The following SKA2 variants were observed in gnomAD, a reference collection of about 807,000 sequenced individuals.
SKA2 encodes the protein spindle and kinetochore-associated protein 2.
Under a neutral mutation model 16.9 loss-of-function variants are expected in SKA2, and 13 were observed. That is an observed-to-expected ratio of 0.77 (90% CI 0.50 to 1.22). The LOEUF (loss-of-function observed/expected upper bound fraction) is 1.22. Ranked by LOEUF, SKA2 falls within the 50% of genes most tolerant of loss-of-function variation. The pLI is 0.00. For synonymous variants in SKA2, 47 were observed against 48.5 expected (o/e 0.97, Z 0.13); for missense variants, 107 against 139.7 (o/e 0.77, Z 1.18).
intron 1 of SKA2, among the ~76,000 whole-genome samples, chr17:59,132,185 A>T (rs2046415744): frequency 2.0e-5 from 3 of 152,036 alleles, no homozygotes; most frequent in South Asian, 2.1e-4. Flanking sequence ...GTGAAACCTC[A>T]TCTCTACCAA....
intron 3 of SKA2, among the ~76,000 whole-genome samples, chr17:59,112,705 C>T (rs1363409930): frequency 6.6e-6 from 1 of 152,132 alleles, no homozygotes; most frequent in Non-Finnish European, 1.5e-5. Context: ...CACAGATGCT[C>T]AAGTCCCTTA....
chr17:59,112,074 C>G lies in SKA2; in HGVS notation c.*203G>C. On this transcript the variant is annotated 3_prime_UTR_variant, in exon 4 of 4. Coordinates refer to ENST00000330137, the MANE Select transcript of SKA2 (RefSeq NM_182620.4). ...TTAAATCGTTTTATTCTCATTTGAT[C>G]CTTTTGGCTGAACTTTATTCATATA... 1 of 557,248 alleles carries G rather than the reference C, an allele frequency of 1.8e-6. No homozygotes were observed. Among genetic ancestry groups the G allele is most frequent in the Non-Finnish European group, 3.2e-6 (1 of 308,890 alleles). The allele number at this position is 557,248 out of a possible 1,614,324, so 34.5% of individuals were successfully genotyped here.
chr17:59,115,990 G>A (rs1015280371), intron 3 of SKA2, among the ~76,000 whole-genome samples: 7 of 151,842 alleles, frequency 4.6e-5, no homozygotes, highest in South Asian at 2.1e-4. Context: ...TGTTTTGGGC[G>A]TTTGTTTTGC....
chr17:59,141,079 G>C (rs890723339), intron 1 of SKA2, among the ~76,000 whole-genome samples: 2 of 151,770 alleles, frequency 1.3e-5, no homozygotes, highest in Non-Finnish European at 2.9e-5. Flanking sequence ...TTACAGGTGT[G>C]AGCCACTGCT....
At chr17:59,151,325 C>A in intron 1 of SKA2, 5 of 407,558 alleles carry the variant, frequency 1.2e-5, no homozygotes, top group Middle Eastern at 3.4e-4. Context: ...ACATCCAAAA[C>A]CAAAAAACAT....
intron 2 of SKA2, among the ~76,000 whole-genome samples, chr17:59,125,678 C>G (rs557134039): frequency 7.1e-6 from 1 of 140,140 alleles, no homozygotes; most frequent in Non-Finnish European, 1.6e-5. Context: ...GGTGAGACTC[C>G]GTCTCCAAAA....
At chr17:59,154,704 C>T (rs1040643701) in intron 1 of SKA2, among the ~76,000 whole-genome samples, 1 of 152,186 alleles carries the variant, frequency 6.6e-6, no homozygotes, top group Non-Finnish European at 1.5e-5. Context: ...TTCTCCTCGC[C>T]CCCGTCAGTT....
Position 59,113,826 on chromosome 17 carries a change from C to CA in SKA2, c.298-1482dup, listed in dbSNP as rs1042434540. On this transcript the variant is annotated intron_variant, in intron 3 of 3. Coordinates refer to ENST00000330137, the MANE Select transcript of SKA2 (RefSeq NM_182620.4). ...GGGCGACAAGAGTGAAACTCTGTCT[C>CA]AAAAAAAAAAAAAAGATAAAGGAAA... 4.6e-3 allele frequency among the ~76,000 whole-genome samples: 493 copies of CA among 106,704 alleles called. 2 individuals are homozygous for CA. Among genetic ancestry groups the CA allele is most frequent in the Middle Eastern group, 0.02 (4 of 196 alleles). The allele number at this position is 106,704 out of a possible 152,430, so 70.0% of individuals were successfully genotyped here.
chr17:59,131,567 C>G (rs1568306273), intron 1 of SKA2, among the ~76,000 whole-genome samples, 200 bp from the exon 2 acceptor site: 1 of 152,098 alleles, frequency 6.6e-6, no homozygotes, highest in African/African-American at 2.4e-5. Context: ...AAGTAGTTAA[C>G]ATTTTAAAGT....
chr17:59,141,999 A>G (rs2046494148), intron 1 of SKA2, among the ~76,000 whole-genome samples: 1 of 152,118 alleles, frequency 6.6e-6, no homozygotes, highest in Non-Finnish European at 1.5e-5. Flanking sequence ...GTAAGCAGAA[A>G]GATTCAAGGT....
At chr17:59,125,427 G>C (rs958523074) in intron 2 of SKA2, among the ~76,000 whole-genome samples, 2 of 151,882 alleles carry the variant, frequency 1.3e-5, no homozygotes, top group Non-Finnish European at 2.9e-5. Context: ...GAATGGCTGA[G>C]CGAGGTGGCT....
chr17:59,137,264 C>T (rs1021969982), intron 1 of SKA2, among the ~76,000 whole-genome samples: 2 of 152,158 alleles, frequency 1.3e-5, no homozygotes, highest in Non-Finnish European at 2.9e-5. Context: ...ACAATCTTCC[C>T]GCCTTAGCCT....
chr17:59,142,295 T>G (rs980749910), intron 1 of SKA2, among the ~76,000 whole-genome samples: 2 of 151,432 alleles, frequency 1.3e-5, no homozygotes, highest in Non-Finnish European at 2.9e-5. Context: ...TGGTGGGTTT[T>G]TTTTTTTTTT....
chr17:59,119,209 G>A (rs2046316093), intron 3 of SKA2, 110 bp downstream of exon 3: 4 of 1,221,368 alleles, frequency 3.3e-6, no homozygotes, highest in South Asian at 1.6e-5. Flanking sequence ...TCTTTCAATA[G>A]TTCAAACTGA....
chr17:59,137,350 T>G (rs547876382), intron 1 of SKA2, among the ~76,000 whole-genome samples: 2 of 152,280 alleles, frequency 1.3e-5, no homozygotes, highest in South Asian at 4.1e-4. Flanking sequence ...AAATTAAAGT[T>G]TTTTTATGTT....
chr17:59,154,098 C>CA (rs1423099696), intron 1 of SKA2, among the ~76,000 whole-genome samples: 5 of 132,620 alleles, frequency 3.8e-5, no homozygotes, highest in Admixed American at 1.6e-4. Flanking sequence ...AGCAAACAAA[C>CA]AAAAAAAGAC....
intron 1 of SKA2, among the ~76,000 whole-genome samples, chr17:59,152,463 G>T (rs1165872566): frequency 6.6e-6 from 1 of 152,080 alleles, no homozygotes; most frequent in Admixed American, 6.5e-5. Context: ...AGGTTTTAAA[G>T]ACAACTGTTT....
intron 1 of SKA2, among the ~76,000 whole-genome samples, chr17:59,141,776 G>T (rs143433511): frequency 6.6e-6 from 1 of 150,702 alleles, no homozygotes; most frequent in Non-Finnish European, 1.5e-5. Context: ...ATTATGGCAC[G>T]TGATACCAAG....
intron 1 of SKA2, among the ~76,000 whole-genome samples, chr17:59,135,077 G>A (rs528020884): frequency 7.1e-4 from 108 of 151,072 alleles, no homozygotes; most frequent in Admixed American, 5.7e-3. Flanking sequence ...TCAAGTGATC[G>A]GCCTGCCTCG....
Sources: allele counts gnomAD v4.1 joint callset (sites outside exome capture counted in the v4.1 genomes callset), GRCh38; gene constraint gnomAD v4.1.1; transcripts MANE v1.5; gene names NCBI Gene and HGNC (gene_info 2026-07-23, HGNC 2026-07-21).